FAAP100: variants seen among roughly 807,000 people sequenced by gnomAD.
FAAP100 encodes Fanconi anemia core complex-associated protein 100.
FAAP100 carries 46 observed loss-of-function variants against 65.8 expected under a neutral mutation model. The ratio of observed to expected loss-of-function variants is 0.70; its 90% CI spans 0.55 to 0.89. The LOEUF (loss-of-function observed/expected upper bound fraction) is 0.89. Among genes scored for constraint, FAAP100 ranks in the 40% least tolerant of loss-of-function variants. The pLI is 0.00. For missense variants in FAAP100, 1,165 were observed against 1,196.7 expected (o/e 0.97, Z 0.39); for synonymous variants, 663 against 555.1 (o/e 1.19, Z -2.73).
Position 81,550,411 on chromosome 17 carries a change from G to T in FAAP100, c.1083C>A (p.Ser361Arg). ...ACGGGGRVYHSTPSDLCVVDL... is the reference protein window; with the variant it reads ...ACGGGGRVYHRTPSDLCVVDL... ...CCACCACACAGAGGTCAGAAGGGGT[G>T]CTGTGGTACACGCGGCCACCCCCGC... The change falls in exon 3 of 9, where the codon AGC becomes AGA. Residue 361 changes from serine (S) to arginine (R), a missense_variant. Coordinates refer to ENST00000327787, the MANE Select transcript of FAAP100 (RefSeq NM_025161.6). 1 of 1,612,678 alleles carries T rather than the reference G, an allele frequency of 6.2e-7. No individual in the cohort carries two copies. Among genetic ancestry groups the T allele is most frequent in the East Asian group, 2.2e-5 (1 of 44,874 alleles).
At position 81,551,017 on chromosome 17, in the gene FAAP100, A is replaced by G. The variant is rs762231446; in HGVS notation, c.477T>C (p.Cys159=). The G allele has an allele frequency of 6.2e-7, 1 of 1,611,340 alleles. No homozygotes were observed. Among genetic ancestry groups the G allele is most frequent in the Admixed American group, 1.7e-5 (1 of 59,868 alleles). The change falls in exon 3 of 9, where the codon TGT becomes TGC. Residue 159 remains cysteine, a synonymous_variant. Coordinates refer to ENST00000327787, the MANE Select transcript of FAAP100 (RefSeq NM_025161.6). The part of the protein sequence containing the change: ...RWKMQLFEQP[C]PGEDPRPGGQ... ...CTCCTGGCCGGGGGTCCTCCCCAGG[A>G]CAGGGCTGCTCAAACAGCTGCATCT...
intron 2 of FAAP100, 74 bp downstream of exon 2, chr17:81,551,854 G>T: frequency 7.0e-7 from 1 of 1,436,854 alleles, no homozygotes; most frequent in Non-Finnish European, 9.1e-7. Flanking sequence ...GCGCGATGAG[G>T]TGGGGCTGCT....
In FAAP100 at chr17:81,540,098, C is replaced by G. The variant is rs1034901436; in HGVS notation, c.*721G>C. On this transcript the variant is annotated 3_prime_UTR_variant, in exon 9 of 9. Coordinates refer to ENST00000327787, the MANE Select transcript of FAAP100 (RefSeq NM_025161.6). ...CCCCCCCCCGGGCCACAGCGCCACC[C>G]TGAGTGGCCCTGAAAATAGTGCACA... is the stretch of plus-strand genomic sequence containing the variant. 1 of 398,546 alleles carries G rather than the reference C, an allele frequency of 2.5e-6. No individual in the cohort carries two copies. The highest frequency in any genetic ancestry group is 3.6e-5 in the East Asian group (1 of 28,034). 24.7% of individuals were successfully genotyped at this position (398,546 alleles called of 1,614,324 possible).
chr17:81,552,654 G>A (rs2033543182), upstream of FAAP100, among the ~76,000 whole-genome samples: 1 of 152,206 alleles, frequency 6.6e-6, no homozygotes, highest in Admixed American at 6.5e-5. Flanking sequence ...GCGGGTCCTG[G>A]CCGAGCAGAG....
intron 6 of FAAP100, 114 bp from the exon 7 acceptor site, chr17:81,544,234 C>A: frequency 1.2e-6 from 1 of 803,100 alleles, no homozygotes. Context: ...GAGATGGTCC[C>A]AACCCCCTGC....
chr17:81,551,475 C>G (rs1056128400), intron 2 of FAAP100, among the ~76,000 whole-genome samples: 1 of 152,256 alleles, frequency 6.6e-6, no homozygotes, highest in Non-Finnish European at 1.5e-5. Flanking sequence ...CAGGCTGCCC[C>G]CTCTACAGCC....
At chr17:81,549,405 G>C (rs771789640) in intron 3 of FAAP100, 43 bp from the exon 4 acceptor site, 1 of 1,573,384 alleles carries the variant, frequency 6.4e-7, no homozygotes, top group Non-Finnish European at 8.6e-7. Context: ...GGCTGGGAGG[G>C]GCAAGCAGCA....
At chr17:81,551,304 G>T in intron 2 of FAAP100, 101 bp from the exon 3 acceptor site, 1 of 1,212,258 alleles carries the variant, frequency 8.2e-7, no homozygotes, top group Middle Eastern at 2.6e-4. Flanking sequence ...AGGGGTTCCC[G>T]CAGTGACCCC....
chr17:81,547,014 G>C lies in FAAP100; in HGVS notation c.2068C>G (p.Pro690Ala), dbSNP rs771033439. ...GCCCGCAGGGAGGCGGGTCCTGCTG[G>C]CTGGCTGCCAGGCTCCCGACAAGTT... ...LETCREPGSQ[P>A]AGPASLRAEY... Residue 690 changes from proline to alanine, a missense_variant, in exon 5 of 9, where the codon CCA becomes GCA. Transcript: ENST00000327787. 2.0e-6 allele frequency: 3 copies of C among 1,538,362 alleles called. No homozygotes were observed. The highest frequency in any genetic ancestry group is 2.8e-5 in the African/African-American group (2 of 72,366).
In FAAP100 at chr17:81,547,420, G is replaced by A. The variant is rs777397330; in HGVS notation, c.1662C>T (p.Leu554=). The A allele has an allele frequency of 9.9e-6, 16 of 1,612,924 alleles. No homozygotes were observed. Among genetic ancestry groups the A allele is most frequent in the South Asian group, 4.4e-5 (4 of 91,090 alleles). Residue 554 remains leucine (L), a synonymous_variant, in exon 5 of 9, where the codon CTC becomes CTT. Coordinates refer to ENST00000327787, the MANE Select transcript of FAAP100 (RefSeq NM_025161.6). ...CIQVLTSSCA[L]DLDSACSAIT... is the part of the protein sequence containing the mutation. Reference sequence around the variant, plus strand: ...TGGCGGAGCAGGCCGAGTCCAGGTCGAGAGCACAGGAGCTGGTGAGCACCT... The same window carrying A: ...TGGCGGAGCAGGCCGAGTCCAGGTCAAGAGCACAGGAGCTGGTGAGCACCT...
chr17:81,547,091 C>T lies in FAAP100; in HGVS notation c.1991G>A (p.Arg664Gln), dbSNP rs1180012486. The stretch of plus-strand genomic sequence containing the variant: ...GGTGGGGCCGAGTGGGGAGGGGGCC[C>T]GTGTGTGTGGCGGGGCCAGGCCAGG... ...RFPGLAPPHT[R>Q]APSPLGPTRD... The change falls in exon 5 of 9, where the codon CGG becomes CAG. Residue 664 changes from arginine to glutamine, a missense_variant. Physicochemically the swap from Arg to Gln is conservative, Grantham distance 43 (BLOSUM62 1). Coordinates refer to ENST00000327787, the MANE Select transcript of FAAP100 (RefSeq NM_025161.6). 5 of 1,532,496 alleles carry T rather than the reference C, an allele frequency of 3.3e-6. No individual in the cohort carries two copies. Among genetic ancestry groups the T allele is most frequent in the Admixed American group, 2.1e-5 (1 of 46,890 alleles). The allele number at this position is 1,532,496 out of a possible 1,614,324, so 94.9% of individuals were successfully genotyped here.
At chr17:81,552,551 G>A (rs2143971378), upstream of FAAP100, among the ~76,000 whole-genome samples, 1 of 152,294 alleles carries the variant, frequency 6.6e-6, no homozygotes, top group South Asian at 2.1e-4. Flanking sequence ...CCGCGGCACC[G>A]TGCCGCAGGT....
At chr17:81,548,122 A>T in intron 4 of FAAP100, 1 of 613,260 alleles carries the variant, frequency 1.6e-6, no homozygotes, top group Middle Eastern at 4.3e-4. Flanking sequence ...CAGGCGCTAC[A>T]GAAACAGCCC....
chr17:81,540,807 A>C lies in FAAP100; in HGVS notation c.*12T>G, dbSNP rs533781106. 9 of 1,507,528 alleles carry C rather than the reference A, an allele frequency of 6.0e-6. No homozygotes were observed. In the Admixed American group the frequency reaches 1.0e-4, roughly 17 times the overall value. 93.4% of individuals were successfully genotyped at this position (1,507,528 alleles called of 1,614,324 possible). On this transcript the variant is annotated 3_prime_UTR_variant, in exon 9 of 9. Coordinates refer to ENST00000327787, the MANE Select transcript of FAAP100 (RefSeq NM_025161.6). ...GGAAGCGTGGCCAGAGCCCAGGGGC[A>C]GGCCCGCCTGGTCACAGCAGGATGA... is the stretch of plus-strand genomic sequence containing the variant.
Position 81,547,387 on chromosome 17 carries a change from G to A in FAAP100, c.1695C>T (p.Tyr565=), listed in dbSNP as rs1325170203. The A allele has an allele frequency of 3.1e-6, 5 of 1,612,782 alleles. No homozygotes were observed. The African/African-American group carries it at 6.7e-5, about 22-fold the overall frequency. Residue 565 remains tyrosine (Y), a synonymous_variant, in exon 5 of 9, where the codon TAC becomes TAT. Coordinates refer to ENST00000327787, the MANE Select transcript of FAAP100 (RefSeq NM_025161.6). The part of the protein sequence containing the change: ...DLDSACSAIT[Y]TIPVDQLGPG... ...GGCCGAGCTGGTCCACGGGGATGGTGTAGGTGATGGCGGAGCAGGCCGAGT... is the reference window on the plus strand; with the variant it reads ...GGCCGAGCTGGTCCACGGGGATGGTATAGGTGATGGCGGAGCAGGCCGAGT...
rs750058958 is a variant in FAAP100 at position 81,547,636 on chromosome 17, T to C, written c.1446A>G (p.Ala482=). ...TCATGGCCTCGTTGAGGCTTGTCAGTGCCTTGTTCCGCTGGTCAACCGCCT... is the reference window on the plus strand; with the variant it reads ...TCATGGCCTCGTTGAGGCTTGTCAGCGCCTTGTTCCGCTGGTCAACCGCCT... ...LKKAVDQRNK[A]LTSLNEAMNV... Residue 482 remains alanine (A), a synonymous_variant, in exon 5 of 9, where the codon GCA becomes GCG. Transcript: ENST00000327787. The C allele has an allele frequency of 6.2e-7, 1 of 1,611,740 alleles. No individual in the cohort carries two copies. Among genetic ancestry groups the C allele is most frequent in the East Asian group, 2.2e-5 (1 of 44,852 alleles).
chr17:81,547,102 C>CA lies in FAAP100; in HGVS notation c.1979_1980insT (p.Pro661AlafsTer79). Reference sequence around the variant, plus strand: ...GTGGGGAGGGGGCCCGTGTGTGTGGCGGGGCCAGGCCAGGGAAGCGCAGAC... The same window carrying CA: ...GTGGGGAGGGGGCCCGTGTGTGTGGCAGGGGCCAGGCCAGGGAAGCGCAGAC... On this transcript the variant is annotated frameshift_variant, in exon 5 of 9. Coordinates refer to ENST00000327787, the MANE Select transcript of FAAP100 (RefSeq NM_025161.6). LOFTEE classifies it high-confidence loss of function. 2 of 1,522,554 alleles carry CA rather than the reference C, an allele frequency of 1.3e-6. No homozygotes were observed. The highest frequency in any genetic ancestry group is 8.8e-7 in the Non-Finnish European group (1 of 1,134,694). The allele number at this position is 1,522,554 out of a possible 1,614,324, so 94.3% of individuals were successfully genotyped here. A position where few individuals can be genotyped will look rare whatever the true frequency, so the allele number is the denominator to read the frequency against.
intron 7 of FAAP100, among the ~76,000 whole-genome samples, chr17:81,543,405 G>A (rs546964839): frequency 1.1e-4 from 17 of 152,312 alleles, no homozygotes; most frequent in South Asian, 4.1e-4. Context: ...CCTAGCGGGC[G>A]GGCGTGACGG....
At chr17:81,552,785 C>A (rs1479239360), upstream of FAAP100, among the ~76,000 whole-genome samples, 3 of 152,116 alleles carry the variant, frequency 2.0e-5, no homozygotes, top group Non-Finnish European at 4.4e-5. Context: ...GCACTCCAGC[C>A]GGGGTCGGGG....
Sources: allele counts gnomAD v4.1 joint callset (sites outside exome capture counted in the v4.1 genomes callset), GRCh38; gene constraint gnomAD v4.1.1; transcripts MANE v1.5; gene names NCBI Gene and HGNC (gene_info 2026-07-23, HGNC 2026-07-21).